The following NLGN1 variants were observed in gnomAD, a reference collection of about 807,000 sequenced individuals.
NLGN1 encodes the protein neuroligin-1.
A neutral mutation model predicts 65.5 loss-of-function variants in NLGN1; 12 were observed. The ratio of observed to expected loss-of-function variants is 0.18; its 90% CI spans 0.12 to 0.30. NLGN1 has a LOEUF of 0.30. NLGN1 is among the 10% of genes least tolerant of loss of function. The probability of loss-of-function intolerance (pLI) is 1.00; values close to 1 mark genes in which losing one functional copy is unlikely to be tolerated. For synonymous variants in NLGN1, 350 were observed against 359.5 expected, an observed-to-expected ratio of 0.97 and a Z score of 0.30; for missense variants, 750 against 1,007.1, an observed-to-expected ratio of 0.74 and a Z score of 3.46.
intron 4 of NLGN1, among the ~76,000 whole-genome samples, chr3:173,832,373 T>G (rs989983408): frequency 6.6e-6 from 1 of 152,250 alleles, no homozygotes; most frequent in Non-Finnish European, 1.5e-5. Flanking sequence ...AAAACTTTCC[T>G]TATATTAACT....
intron 4 of NLGN1, among the ~76,000 whole-genome samples, chr3:174,122,058 C>T (rs1254101494): frequency 6.6e-6 from 1 of 152,136 alleles, no homozygotes; most frequent in African/African-American, 2.4e-5. Flanking sequence ...TCTCTTTCTG[C>T]TCTTTGAAAT....
At chr3:173,645,964 T>G (rs1758197343) in intron 3 of NLGN1, among the ~76,000 whole-genome samples, 1 of 152,244 alleles carries the variant, frequency 6.6e-6, no homozygotes, top group South Asian at 2.1e-4. Flanking sequence ...CATTGTTATC[T>G]TGGTTCTGCC....
intron 4 of NLGN1, among the ~76,000 whole-genome samples, chr3:173,957,074 T>G (rs1394497460): frequency 5.3e-5 from 8 of 151,926 alleles, no homozygotes. Context: ...TTATGATGCA[T>G]ATTATAATAT....
chr3:174,110,499 A>G (rs1189310736), intron 4 of NLGN1, among the ~76,000 whole-genome samples: 11 of 151,994 alleles, frequency 7.2e-5, no homozygotes, highest in Non-Finnish European at 1.6e-4. Context: ...CTTGCTATTT[A>G]ACTCTTCAAG....
intron 4 of NLGN1, among the ~76,000 whole-genome samples, chr3:173,875,409 A>T (rs1446622250): frequency 6.6e-6 from 1 of 152,188 alleles, no homozygotes; most frequent in Non-Finnish European, 1.5e-5. Flanking sequence ...AAAGGGATAT[A>T]ATAAAAATAC....
intron 4 of NLGN1, among the ~76,000 whole-genome samples, chr3:173,890,805 A>G (rs1424238075): frequency 1.3e-5 from 2 of 152,316 alleles, no homozygotes; most frequent in Non-Finnish European, 2.9e-5. Context: ...CCAGTGCTCT[A>G]ATAAAAGCCT....
In NLGN1 at chr3:174,143,425, T is replaced by C. The variant is rs188040476; in HGVS notation, c.647-131890T>C. 1.5e-3 allele frequency among the ~76,000 whole-genome samples: 233 copies of C among 152,262 alleles called. 1 individual carries two copies. The highest frequency in any genetic ancestry group is 5.4e-3 in the African/African-American group (223 of 41,556). On this transcript the variant is annotated intron_variant, in intron 4 of 6. Transcript: ENST00000457714. ...TTATTATTTGGTCGTAACTTTACAA[T>C]TATCACCTCGACAAAGGGCATATCT...
At chr3:173,801,345 T>A (rs544041812) in intron 3 of NLGN1, among the ~76,000 whole-genome samples, 19 of 152,100 alleles carry the variant, frequency 1.2e-4, no homozygotes, top group African/African-American at 4.6e-4. Flanking sequence ...GTTCATTTTG[T>A]TATGTTTTGT....
chr3:174,147,604 C>T (rs9830789), intron 4 of NLGN1, among the ~76,000 whole-genome samples: 31,181 of 150,870 alleles, frequency 0.21, 6,135 homozygotes, highest in African/African-American at 0.52. Context: ...CGGCTAATTT[C>T]TTTATATTTT....
At chr3:174,146,653 C>T (rs1023066695) in intron 4 of NLGN1, among the ~76,000 whole-genome samples, 8 of 151,544 alleles carry the variant, frequency 5.3e-5, no homozygotes, top group Admixed American at 1.3e-4. Context: ...CTGCAACCTC[C>T]GCCTCCCGGG....
chr3:173,447,025 T>G (rs1373328416), intron 2 of NLGN1, among the ~76,000 whole-genome samples: 1 of 152,212 alleles, frequency 6.6e-6, no homozygotes, highest in Non-Finnish European at 1.5e-5. Flanking sequence ...GCCTGTTCAC[T>G]CTGATGGTGG....
At chr3:173,399,335 TC>T (rs1717220524) in intron 1 of NLGN1, among the ~76,000 whole-genome samples, 1 of 152,194 alleles carries the variant, frequency 6.6e-6, no homozygotes. Context: ...CTACTAGAGT[TC>T]CAGTAGTGTG....
intron 4 of NLGN1, among the ~76,000 whole-genome samples, chr3:174,237,484 C>T (rs185323705): frequency 1.3e-5 from 2 of 152,268 alleles, no homozygotes; most frequent in Admixed American, 6.5e-5. Context: ...GCAAAATGAA[C>T]ATAACTTTCT....
chr3:173,409,677 T>C (rs893840304), intron 1 of NLGN1, among the ~76,000 whole-genome samples: 33 of 152,210 alleles, frequency 2.2e-4, no homozygotes, highest in African/African-American at 4.1e-4. Context: ...GGATTTTCCA[T>C]TGTGCTTTTG....
At chr3:174,226,651 C>A (rs1030421862) in intron 4 of NLGN1, among the ~76,000 whole-genome samples, 10 of 152,090 alleles carry the variant, frequency 6.6e-5, no homozygotes, top group African/African-American at 2.2e-4. Flanking sequence ...ACTTCCTCTA[C>A]TTTTTAAGTA....
At chr3:173,510,569 T>C (rs183455258) in intron 2 of NLGN1, among the ~76,000 whole-genome samples, 11 of 152,316 alleles carry the variant, frequency 7.2e-5, no homozygotes, top group Admixed American at 7.2e-4. Context: ...ATGTTGGAAA[T>C]GTATTAATTA....
At chr3:174,136,925 T>C (rs1224215801) in intron 4 of NLGN1, among the ~76,000 whole-genome samples, 1 of 152,156 alleles carries the variant, frequency 6.6e-6, no homozygotes. Flanking sequence ...GAAAATACCG[T>C]AAATGGAAAG....
intron 2 of NLGN1, among the ~76,000 whole-genome samples, chr3:173,574,148 A>G (rs558381873): frequency 2.6e-5 from 4 of 151,860 alleles, no homozygotes; most frequent in Admixed American, 2.6e-4. Flanking sequence ...ATATGCAGTC[A>G]TAATTAGTTT....
At chr3:173,882,148 T>C (rs1048352910) in intron 4 of NLGN1, among the ~76,000 whole-genome samples, 2 of 152,192 alleles carry the variant, frequency 1.3e-5, no homozygotes, top group African/African-American at 2.4e-5. Context: ...TTCTGAGAAG[T>C]AGGTCTCAAC....
Sources: allele counts gnomAD v4.1 joint callset (sites outside exome capture counted in the v4.1 genomes callset), GRCh38; gene constraint gnomAD v4.1.1; transcripts MANE v1.5; gene names NCBI Gene and HGNC (gene_info 2026-07-23, HGNC 2026-07-21).